STAC: variants seen among roughly 807,000 people sequenced by gnomAD.
The protein encoded by STAC is SH3 and cysteine rich domain, also known as SH3 and cysteine-rich domain-containing protein.
STAC carries 43 observed loss-of-function variants against 48.8 expected under a neutral mutation model. The ratio of observed to expected loss-of-function variants is 0.88; its 90% CI spans 0.69 to 1.14. STAC has a LOEUF of 1.14. Among genes scored for constraint, STAC ranks in the 50% most tolerant of loss-of-function variants. The pLI is 0.00. For synonymous variants in STAC, 193 were observed against 179.5 expected (o/e 1.07, Z -0.60); for missense variants, 497 against 504.0 (o/e 0.99, Z 0.13).
chr3:36,436,012 TGTGTA>T (rs1700824118), intron 1 of STAC, among the ~76,000 whole-genome samples: 1 of 152,190 alleles, frequency 6.6e-6, no homozygotes, highest in African/African-American at 2.4e-5. Flanking sequence ...CTTCACTGCC[TGTGTA>T]GTGATTTCAT....
intron 10 of STAC, among the ~76,000 whole-genome samples, chr3:36,533,774 C>A (rs1362870449): frequency 6.6e-6 from 1 of 151,984 alleles, no homozygotes; most frequent in African/African-American, 2.4e-5. Context: ...AACAATTCAG[C>A]CTCTTCAGCT....
chr3:36,509,278 G>A (rs1698478342), intron 8 of STAC, among the ~76,000 whole-genome samples: 1 of 151,572 alleles, frequency 6.6e-6, no homozygotes, highest in Admixed American at 6.6e-5. Context: ...GTTTCTGTTA[G>A]TCTGATGTGC....
chr3:36,398,626 AAGAG>A (rs1347554440), intron 1 of STAC, among the ~76,000 whole-genome samples: 2 of 107,174 alleles, frequency 1.9e-5, no homozygotes, highest in South Asian at 3.1e-4. Context: ...GGAAGAGAAA[AAGAG>A]AGAGAAAGAA....
chr3:36,435,585 C>G (rs571113507), intron 1 of STAC, among the ~76,000 whole-genome samples: 1 of 152,220 alleles, frequency 6.6e-6, no homozygotes, highest in East Asian at 1.9e-4. Context: ...CACTAATCTT[C>G]TTTATAGCAA....
chr3:36,513,822 G>A (rs1190280990), intron 8 of STAC, among the ~76,000 whole-genome samples: 1 of 151,684 alleles, frequency 6.6e-6, no homozygotes, highest in Non-Finnish European at 1.5e-5. Context: ...TTCCTTTCCA[G>A]AATTAAGGAG....
chr3:36,541,290 A>T (rs1428199002), intron 10 of STAC, among the ~76,000 whole-genome samples: 1 of 152,212 alleles, frequency 6.6e-6, no homozygotes, highest in East Asian at 1.9e-4. Flanking sequence ...GAGGACAGAA[A>T]CAGGACTTGG....
At position 36,416,680 on chromosome 3, in the gene STAC, T is replaced by C. The variant is rs145901747; in HGVS notation, c.112-26684T>C. 2.0e-4 allele frequency among the ~76,000 whole-genome samples: 30 copies of C among 152,296 alleles called. No homozygotes were observed. The East Asian group carries it at 3.1e-3, about 16-fold the overall frequency. On this transcript the variant is annotated intron_variant, in intron 1 of 10. Transcript: ENST00000273183. ...CATTGCCCCTTAATTCTTTAGGATA[T>C]GTATTATGCATATATTAAGTTTATA...
intron 1 of STAC, among the ~76,000 whole-genome samples, chr3:36,429,033 C>G (rs1700629596): frequency 2.0e-5 from 3 of 152,052 alleles, no homozygotes; most frequent in African/African-American, 7.2e-5. Context: ...ATAATGATAA[C>G]AGAGGTAGTA....
At chr3:36,503,888 T>C (rs1202455816) in intron 6 of STAC, among the ~76,000 whole-genome samples, 2 of 152,158 alleles carry the variant, frequency 1.3e-5, no homozygotes, top group Non-Finnish European at 2.9e-5. Context: ...AGGAAATATT[T>C]TGAAGTTTAA....
At chr3:36,526,974 C>T (rs1417461486) in intron 8 of STAC, among the ~76,000 whole-genome samples, 1 of 152,166 alleles carries the variant, frequency 6.6e-6, no homozygotes, top group Non-Finnish European at 1.5e-5. Context: ...ATCTGCTATA[C>T]GTTCAAGTAT....
At chr3:36,530,593 C>CTTTT in intron 10 of STAC, among the ~76,000 whole-genome samples, 1 of 72,018 alleles carries the variant, frequency 1.4e-5, no homozygotes, top group Non-Finnish European at 2.4e-5. Context: ...TTTTTTTTTT[C>CTTTT]TTTTTTTTTT....
intron 6 of STAC, among the ~76,000 whole-genome samples, chr3:36,496,049 A>C (rs1698145865): frequency 6.6e-6 from 1 of 152,252 alleles, no homozygotes; most frequent in South Asian, 2.1e-4. Context: ...ACTAAGTCAC[A>C]GAGTAGTACA....
chr3:36,515,325 A>G (rs1698644599), intron 8 of STAC, among the ~76,000 whole-genome samples: 2 of 152,160 alleles, frequency 1.3e-5, no homozygotes, highest in Admixed American at 6.6e-5. Flanking sequence ...TATAAACCAT[A>G]AACTGTTTGA....
In STAC at chr3:36,545,139, G is replaced by A. The variant is rs547205656; in HGVS notation, c.1111-1052G>A. 3.3e-5 allele frequency among the ~76,000 whole-genome samples: 5 copies of A among 152,258 alleles called. 1 individual carries two copies. In the South Asian group the frequency reaches 1.0e-3, roughly 32 times the overall value. ...AACAACTCACAGCTGCCCTTCTCAGGGAGGGCCTTATGAGACAGCAGGACC... is the reference window on the plus strand; with the variant it reads ...AACAACTCACAGCTGCCCTTCTCAGAGAGGGCCTTATGAGACAGCAGGACC... On this transcript the variant is annotated intron_variant, in intron 10 of 10. Coordinates refer to ENST00000273183, the MANE Select transcript of STAC (RefSeq NM_003149.3).
intron 2 of STAC, among the ~76,000 whole-genome samples, chr3:36,450,083 T>C (rs1193459955): frequency 2.6e-5 from 4 of 152,224 alleles, no homozygotes; most frequent in Admixed American, 1.3e-4. Flanking sequence ...AGTTCTATGG[T>C]GATCACTTAT....
At chr3:36,510,279 G>A (rs1698503288) in intron 8 of STAC, among the ~76,000 whole-genome samples, 1 of 152,258 alleles carries the variant, frequency 6.6e-6, no homozygotes, top group Non-Finnish European at 1.5e-5. Context: ...AGTTAGAATG[G>A]TGATCATTAA....
chr3:36,476,267 T>C (rs11709139), intron 2 of STAC, among the ~76,000 whole-genome samples: 108,320 of 152,032 alleles, frequency 0.71, 39,077 homozygotes, highest in Non-Finnish European at 0.77. Context: ...GAAGAGGAGA[T>C]GTCCTGTTGT....
intron 8 of STAC, among the ~76,000 whole-genome samples, chr3:36,524,127 AT>A (rs1698871483): frequency 6.6e-6 from 1 of 152,088 alleles, no homozygotes; most frequent in African/African-American, 2.4e-5. Flanking sequence ...GTCCCACATT[AT>A]CTAGTACCTG....
chr3:36,511,139 C>T (rs1218025642), intron 8 of STAC, among the ~76,000 whole-genome samples: 1 of 151,620 alleles, frequency 6.6e-6, no homozygotes, highest in Non-Finnish European at 1.5e-5. Flanking sequence ...GCTTGAGGTT[C>T]CTCGTGTTTC....
Sources: gnomAD v4.1 joint callset for allele counts (sites outside exome capture counted in the v4.1 genomes callset) on GRCh38, gnomAD v4.1.1 for gene constraint, MANE v1.5 for transcripts, NCBI Gene and HGNC (gene_info 2026-07-23, HGNC 2026-07-21) for gene names.